The following TLK2 variants were observed in gnomAD, a reference collection of about 807,000 sequenced individuals.
The protein encoded by TLK2 is serine/threonine-protein kinase tousled-like 2.
TLK2 carries 6 observed loss-of-function variants against 117.3 expected under a neutral mutation model. The ratio of observed to expected loss-of-function variants is 0.05; its 90% CI spans 0.03 to 0.10. TLK2 has a LOEUF of 0.10. Among genes scored for constraint, TLK2 ranks in the 10% least tolerant of loss-of-function variants. The pLI, the probability that TLK2 is intolerant of heterozygous loss-of-function variation, is 1.00. For synonymous variants in TLK2, 257 were observed against 316.7 expected, an observed-to-expected ratio of 0.81 and a Z score of 2.00; for missense variants, 299 against 901.2, an observed-to-expected ratio of 0.33 and a Z score of 8.56.
At chr17:62,534,866 G>C (rs1023781050) in intron 6 of TLK2, among the ~76,000 whole-genome samples, 2 of 143,786 alleles carry the variant, frequency 1.4e-5, no homozygotes, top group African/African-American at 5.1e-5. Context: ...TGCATTAAAA[G>C]TGGATAATTC....
At chr17:62,559,561 A>G (rs1316307399) in intron 9 of TLK2, among the ~76,000 whole-genome samples, 1 of 151,946 alleles carries the variant, frequency 6.6e-6, no homozygotes, top group African/African-American at 2.4e-5. Flanking sequence ...TATATTTAGT[A>G]GAGATGGGGT....
At chr17:62,490,455 C>G (rs887147434) in intron 2 of TLK2, among the ~76,000 whole-genome samples, 15 of 152,198 alleles carry the variant, frequency 9.9e-5, no homozygotes, top group African/African-American at 3.6e-4. Context: ...CCCACACTCC[C>G]CTCATTGGGC....
chr17:62,538,357 T>A (rs2077265118), intron 7 of TLK2, among the ~76,000 whole-genome samples: 1 of 152,144 alleles, frequency 6.6e-6, no homozygotes, highest in Non-Finnish European at 1.5e-5. Context: ...TTATCTTGGA[T>A]CTTACTTTTC....
At position 62,481,114 on chromosome 17, in the gene TLK2, T is replaced by A. The variant is rs554401949; in HGVS notation, c.-5-7T>A. 62 of 1,613,582 alleles carry A rather than the reference T, an allele frequency of 3.8e-5. No homozygotes were observed. The South Asian group carries it at 6.6e-4, about 17-fold the overall frequency. Reference sequence around the variant, plus strand: ...TATGGTTTCACAGCCTACTTTTTCTTTTTCAGCAGAAATGATGGAAGAATT... The same window carrying A: ...TATGGTTTCACAGCCTACTTTTTCTATTTCAGCAGAAATGATGGAAGAATT... On this transcript the variant is annotated splice_region_variant and splice_polypyrimidine_tract_variant and intron_variant, in intron 1 of 21. Transcript: ENST00000346027.
chr17:62,482,458 T>TG (rs2071788416), intron 2 of TLK2, among the ~76,000 whole-genome samples: 1 of 151,052 alleles, frequency 6.6e-6, no homozygotes, highest in Non-Finnish European at 1.5e-5. Flanking sequence ...GTTTTGTTTT[T>TG]TTTTTTTTTG....
At chr17:62,543,225 C>T (rs1488319380) in intron 7 of TLK2, among the ~76,000 whole-genome samples, 1 of 152,050 alleles carries the variant, frequency 6.6e-6, no homozygotes, top group Non-Finnish European at 1.5e-5. Flanking sequence ...TTTTTGGTGC[C>T]AGTTGGTCAC....
At chr17:62,596,505 T>G in intron 16 of TLK2, 80 bp from the exon 17 acceptor site, 3 of 1,040,398 alleles carry the variant, frequency 2.9e-6, no homozygotes, top group Non-Finnish European at 4.5e-6. Context: ...GAGAAATGAT[T>G]GAATATTTAG....
intron 18 of TLK2, among the ~76,000 whole-genome samples, chr17:62,601,729 G>C (rs549040317): frequency 6.6e-6 from 1 of 152,308 alleles, no homozygotes; most frequent in South Asian, 2.1e-4. Flanking sequence ...TGAAAGTTCA[G>C]ATGAAAGTTT....
At chr17:62,562,638 A>T (rs1343980065) in intron 10 of TLK2, among the ~76,000 whole-genome samples, 2 of 152,212 alleles carry the variant, frequency 1.3e-5, no homozygotes, top group Non-Finnish European at 2.9e-5. Flanking sequence ...AATGACTAGA[A>T]ATAAAAAAAA....
intron 2 of TLK2, among the ~76,000 whole-genome samples, chr17:62,507,120 T>G (rs1392822527): frequency 3.9e-5 from 6 of 152,006 alleles, no homozygotes; most frequent in Non-Finnish European, 8.8e-5. Flanking sequence ...AAAGTGGGGT[T>G]TTTTTTGGCG....
intron 21 of TLK2, among the ~76,000 whole-genome samples, chr17:62,610,452 C>CA (rs1343179515): frequency 6.6e-6 from 1 of 152,058 alleles, no homozygotes; most frequent in Admixed American, 6.6e-5. Flanking sequence ...AACAATAAAA[C>CA]AAAAAGTGGA....
intron 2 of TLK2, among the ~76,000 whole-genome samples, chr17:62,512,374 C>T (rs1274082102): frequency 6.6e-6 from 1 of 151,686 alleles, no homozygotes; most frequent in African/African-American, 2.4e-5. Flanking sequence ...AGGCATGCAC[C>T]ACCACGCCTG....
At chr17:62,559,627 C>T (rs528312225) in intron 9 of TLK2, among the ~76,000 whole-genome samples, 2 of 152,048 alleles carry the variant, frequency 1.3e-5, no homozygotes, top group Non-Finnish European at 2.9e-5. Context: ...ATCTGCCTGC[C>T]TCGGCCTCCC....
intron 16 of TLK2, among the ~76,000 whole-genome samples, chr17:62,594,801 C>T (rs1308762607): frequency 1.5e-5 from 1 of 67,618 alleles, no homozygotes; most frequent in Non-Finnish European, 5.7e-5. Context: ...CACACACACA[C>T]ACACACACAC....
At chr17:62,547,203 A>G (rs538296739) in intron 7 of TLK2, among the ~76,000 whole-genome samples, 2 of 152,068 alleles carry the variant, frequency 1.3e-5, no homozygotes, top group Non-Finnish European at 2.9e-5. Flanking sequence ...TTGTTTATTG[A>G]ATTATCTTTT....
intron 9 of TLK2, among the ~76,000 whole-genome samples, 180 bp downstream of exon 9, chr17:62,553,935 A>G (rs1050001786): frequency 2.6e-5 from 4 of 152,146 alleles, no homozygotes; most frequent in Non-Finnish European, 4.4e-5. Context: ...TCTAAACACT[A>G]CCTTTAAATT....
chr17:62,497,841 C>T (rs1329645470), intron 2 of TLK2, among the ~76,000 whole-genome samples: 2 of 152,142 alleles, frequency 1.3e-5, no homozygotes, highest in African/African-American at 4.8e-5. Flanking sequence ...GTTACAGTCC[C>T]GTGCCACCAT....
intron 7 of TLK2, among the ~76,000 whole-genome samples, chr17:62,541,505 C>T (rs1450056607): frequency 1.3e-5 from 2 of 152,272 alleles, no homozygotes; most frequent in Admixed American, 1.3e-4. Context: ...TGAAAGATTT[C>T]TAAATATGTG....
Position 62,516,860 on chromosome 17 carries a change from G to A in TLK2, c.82-3913G>A, listed in dbSNP as rs2075640783. On this transcript the variant is annotated intron_variant, in intron 2 of 21. Coordinates refer to ENST00000346027, the MANE Select transcript of TLK2 (RefSeq NM_006852.6). ...ATGTGTTTTGAGTTAATTTTTGCATGTGGTAATGGTCCAACTTTCATTTCA... is the reference window on the plus strand; with the variant it reads ...ATGTGTTTTGAGTTAATTTTTGCATATGGTAATGGTCCAACTTTCATTTCA... 6.5e-6 allele frequency: 5 copies of A among 770,566 alleles called. No homozygotes were observed. The East Asian group carries it at 8.0e-5, about 12-fold the overall frequency. The allele number at this position is 770,566 out of a possible 1,614,324, so 47.7% of individuals were successfully genotyped here. A position where few individuals can be genotyped will look rare whatever the true frequency, so the allele number is the denominator to read the frequency against.
Sources: gnomAD v4.1 joint callset for allele counts (sites outside exome capture counted in the v4.1 genomes callset) on GRCh38, gnomAD v4.1.1 for gene constraint, MANE v1.5 for transcripts, NCBI Gene and HGNC (gene_info 2026-07-23, HGNC 2026-07-21) for gene names.